Variants in KCNJ16 observed in about 807,000 individuals in gnomAD.
The protein encoded by KCNJ16 is potassium inwardly rectifying channel subfamily J member 16.
In KCNJ16, 15 loss-of-function variants were observed where a neutral mutation model predicts 18.5. That is an observed-to-expected ratio of 0.81 (90% CI 0.54 to 1.25). KCNJ16 has a LOEUF of 1.25. Among genes scored for constraint, KCNJ16 ranks in the 50% most tolerant of loss-of-function variants. The pLI is 0.00. For missense variants in KCNJ16, 523 were observed against 525.7 expected (o/e 0.99, Z 0.05); for synonymous variants, 174 against 186.5 (o/e 0.93, Z 0.55).
intron 2 of KCNJ16, among the ~76,000 whole-genome samples, chr17:70,116,988 A>T (rs1210055182): frequency 6.6e-6 from 1 of 152,216 alleles, no homozygotes; most frequent in Non-Finnish European, 1.5e-5. Context: ...ATTCACCAAA[A>T]GTCTCATGCA....
At chr17:70,077,834 G>C (rs535305651) in intron 1 of KCNJ16, among the ~76,000 whole-genome samples, 1 of 151,330 alleles carries the variant, frequency 6.6e-6, no homozygotes, top group Non-Finnish European at 1.5e-5. Flanking sequence ...GCTGGTTCTT[G>C]GTTAAATTTT....
intron 1 of KCNJ16, among the ~76,000 whole-genome samples, chr17:70,100,292 T>A (rs539359904): frequency 6.6e-6 from 1 of 152,232 alleles, no homozygotes; most frequent in East Asian, 1.9e-4. Context: ...TTGTTTTCTC[T>A]ATTTCAAATT....
chr17:70,123,897 T>C (rs1274344501), intron 2 of KCNJ16, among the ~76,000 whole-genome samples: 2 of 152,200 alleles, frequency 1.3e-5, no homozygotes, highest in Non-Finnish European at 2.9e-5. Flanking sequence ...GTTGAAAGGC[T>C]GTTATGTAAA....
chr17:70,087,507 G>T (rs2071863758), intron 1 of KCNJ16, among the ~76,000 whole-genome samples: 1 of 152,106 alleles, frequency 6.6e-6, no homozygotes. Flanking sequence ...TTCGAGATCA[G>T]CCTGGCCAAC....
In KCNJ16 at chr17:70,134,077, A is replaced by G. The variant is rs1362297898; in HGVS notation, c.*733A>G. ...TGGGAGACTCCAACAAATGGAGACCAGAAACAAGGCAACCACGACCTTGCT... is the reference window on the plus strand; with the variant it reads ...TGGGAGACTCCAACAAATGGAGACCGGAAACAAGGCAACCACGACCTTGCT... On this transcript the variant is annotated 3_prime_UTR_variant, in exon 4 of 4. Coordinates refer to ENST00000392671, the MANE Select transcript of KCNJ16 (RefSeq NM_170741.4). 1 of 167,132 alleles carries G rather than the reference A, an allele frequency of 6.0e-6. No homozygotes were observed. The highest frequency in any genetic ancestry group is 1.5e-5 in the Non-Finnish European group (1 of 68,122). The allele number at this position is 167,132 out of a possible 1,614,324, so 10.4% of individuals were successfully genotyped here.
chr17:70,112,473 A>G (rs957392843), intron 2 of KCNJ16, among the ~76,000 whole-genome samples: 16 of 150,758 alleles, frequency 1.1e-4, no homozygotes, highest in Middle Eastern at 3.4e-3. Flanking sequence ...AAATGCCAGT[A>G]TTTCTTTCCC....
In KCNJ16 at chr17:70,132,641, G is replaced by C; in HGVS notation, c.554G>C (p.Ser185Thr). The C allele has an allele frequency of 6.2e-7, 1 of 1,614,182 alleles. No homozygotes were observed. Among genetic ancestry groups the C allele is most frequent in the Non-Finnish European group, 8.5e-7 (1 of 1,180,050 alleles). ...ARKRAQTIRF[S>T]YFALIGMRDG... The stretch of plus-strand genomic sequence containing the variant: ...AAGAGAGCCCAAACCATTCGTTTCA[G>C]CTACTTTGCACTTATAGGTATGAGA... The change falls in exon 4 of 4, where the codon AGC becomes ACC. Residue 185 changes from serine to threonine, a missense_variant. By Grantham distance (58) the Ser-to-Thr change is moderately conservative (BLOSUM62 1). Transcript: ENST00000392671.
intron 2 of KCNJ16, among the ~76,000 whole-genome samples, chr17:70,121,201 T>G (rs2073624504): frequency 6.6e-6 from 1 of 152,152 alleles, no homozygotes. Context: ...CCTAGGCAGA[T>G]AAGAGGATCC....
intron 2 of KCNJ16, among the ~76,000 whole-genome samples, chr17:70,106,004 T>C (rs926747502): frequency 6.6e-6 from 1 of 152,332 alleles, no homozygotes; most frequent in South Asian, 2.1e-4. Context: ...AGAATTCAGA[T>C]GGAGTGCGGG....
At chr17:70,105,060 A>C (rs1204052895) in intron 2 of KCNJ16, 4 of 152,580 alleles carry the variant, frequency 2.6e-5, no homozygotes, top group Non-Finnish European at 4.4e-5. Flanking sequence ...TCTGCACTTC[A>C]TCATCTTTCA....
intron 2 of KCNJ16, among the ~76,000 whole-genome samples, chr17:70,110,185 A>G (rs1006324612): frequency 6.6e-6 from 1 of 152,054 alleles, no homozygotes; most frequent in Non-Finnish European, 1.5e-5. Context: ...ATGTCTCTTC[A>G]TTTCATTAAT....
chr17:70,099,320 C>T (rs1173834836), intron 1 of KCNJ16, among the ~76,000 whole-genome samples: 1 of 152,046 alleles, frequency 6.6e-6, no homozygotes, highest in African/African-American at 2.4e-5. Flanking sequence ...GAAGCAACTA[C>T]AAAATGTTTA....
At chr17:70,103,587 T>G (rs2072774728) in intron 2 of KCNJ16, among the ~76,000 whole-genome samples, 1 of 152,038 alleles carries the variant, frequency 6.6e-6, no homozygotes, top group Non-Finnish European at 1.5e-5. Flanking sequence ...TTTCCCAGAC[T>G]TAAATTAGGC....
intron 2 of KCNJ16, among the ~76,000 whole-genome samples, chr17:70,115,924 C>T (rs1261564946): frequency 6.6e-6 from 1 of 152,106 alleles, no homozygotes; most frequent in African/African-American, 2.4e-5. Flanking sequence ...TTTATAGCTG[C>T]CTTTTAAAAA....
At chr17:70,101,024 A>T (rs1011267886) in intron 2 of KCNJ16, 3 of 152,242 alleles carry the variant, frequency 2.0e-5, no homozygotes, top group Non-Finnish European at 4.4e-5. Context: ...TGCTATTTAT[A>T]TATTTTGTGA....
chr17:70,122,378 T>C (rs529903063), intron 2 of KCNJ16, among the ~76,000 whole-genome samples: 21 of 152,280 alleles, frequency 1.4e-4, no homozygotes, highest in Non-Finnish European at 2.6e-4. Context: ...GGTTTCACCA[T>C]GTTGGCCAGG....
intron 1 of KCNJ16, among the ~76,000 whole-genome samples, chr17:70,085,155 A>G (rs901088152): frequency 1.3e-5 from 2 of 152,174 alleles, no homozygotes; most frequent in African/African-American, 4.8e-5. Flanking sequence ...AAAAGAAACT[A>G]TTTCTGAATC....
chr17:70,092,812 G>A (rs12709250), intron 1 of KCNJ16, among the ~76,000 whole-genome samples: 126,888 of 152,116 alleles, frequency 0.83, 53,078 homozygotes, highest in East Asian at 0.96. Context: ...GCTGAGGGAA[G>A]AATATGGATG....
chr17:70,115,671 G>A (rs1257694969), intron 2 of KCNJ16, among the ~76,000 whole-genome samples: 1 of 152,126 alleles, frequency 6.6e-6, no homozygotes, highest in Non-Finnish European at 1.5e-5. Flanking sequence ...CCCATTTAAT[G>A]CTAACTCTGC....
Sources: gnomAD v4.1 joint callset for allele counts (sites outside exome capture counted in the v4.1 genomes callset) on GRCh38, gnomAD v4.1.1 for gene constraint, MANE v1.5 for transcripts, NCBI Gene and HGNC (gene_info 2026-07-23, HGNC 2026-07-21) for gene names.